The following SVOP variants were observed in gnomAD, a reference collection of about 807,000 sequenced individuals.
SVOP encodes synaptic vesicle 2-related protein.
SVOP carries 17 observed loss-of-function variants against 69.1 expected under a neutral mutation model. That is an observed-to-expected ratio of 0.25 (90% confidence interval 0.17 to 0.37). The LOEUF (loss-of-function observed/expected upper bound fraction) is 0.37. Ranked by LOEUF, SVOP falls within the 10% of genes least tolerant of loss-of-function variation. SVOP has a pLI of 1.00. For synonymous variants in SVOP, 238 were observed against 238.6 expected (o/e 1.00, Z 0.02); for missense variants, 435 against 597.5 (o/e 0.73, Z 2.84).
intron 1 of SVOP, among the ~76,000 whole-genome samples, chr12:109,004,857 C>T (rs2040296205): frequency 6.6e-6 from 1 of 151,972 alleles, no homozygotes; most frequent in Non-Finnish European, 1.5e-5. Context: ...CCTGCCTCAT[C>T]CCCCCGAGTA....
intron 4 of SVOP, among the ~76,000 whole-genome samples, chr12:108,977,177 A>C (rs1196816255): frequency 6.6e-6 from 1 of 152,208 alleles, no homozygotes; most frequent in Non-Finnish European, 1.5e-5. Context: ...CAGCAACAGA[A>C]TAGGATGCCT....
intron 6 of SVOP, among the ~76,000 whole-genome samples, chr12:108,949,479 A>G (rs1382075908): frequency 6.6e-6 from 1 of 152,082 alleles, no homozygotes; most frequent in African/African-American, 2.4e-5. Flanking sequence ...CATGTTGGCC[A>G]GGCTGGTCTC....
intron 12 of SVOP, among the ~76,000 whole-genome samples, chr12:108,921,075 A>G (rs1593177069): frequency 6.8e-6 from 1 of 147,202 alleles, no homozygotes; most frequent in Non-Finnish European, 1.5e-5. Flanking sequence ...AACAATACAC[A>G]TAGTAAATAA....
intron 4 of SVOP, among the ~76,000 whole-genome samples, chr12:108,973,087 T>C (rs2040088143): frequency 1.3e-5 from 2 of 152,128 alleles, no homozygotes; most frequent in Non-Finnish European, 2.9e-5. Flanking sequence ...AGGCAAGTCT[T>C]AAGCCCAAGC....
intron 11 of SVOP, among the ~76,000 whole-genome samples, chr12:108,924,571 A>G (rs2039769018): frequency 6.6e-6 from 1 of 152,146 alleles, no homozygotes; most frequent in South Asian, 2.1e-4. Flanking sequence ...GCTGAGACAG[A>G]GCAGGGACCC....
intron 14 of SVOP, among the ~76,000 whole-genome samples, chr12:108,917,017 G>A (rs2039718235): frequency 6.6e-6 from 1 of 152,244 alleles, no homozygotes; most frequent in African/African-American, 2.4e-5. Context: ...GAAGTGCTGG[G>A]TTTACAGGCG....
intron 1 of SVOP, among the ~76,000 whole-genome samples, chr12:108,987,084 C>T (rs1280933390): frequency 1.3e-5 from 2 of 152,150 alleles, no homozygotes; most frequent in Non-Finnish European, 2.9e-5. Context: ...ACTCTGTACC[C>T]ATAGAAATCA....
At chr12:108,930,705 A>G (rs915460596) in intron 11 of SVOP, among the ~76,000 whole-genome samples, 7 of 152,172 alleles carry the variant, frequency 4.6e-5, no homozygotes, top group African/African-American at 1.7e-4. Context: ...AAGTCCTGGG[A>G]TTACAGGCAT....
intron 2 of SVOP, among the ~76,000 whole-genome samples, chr12:108,980,578 G>C (rs1039185278): frequency 0.32 from 46,441 of 145,838 alleles, 8,196 homozygotes; most frequent in African/African-American, 0.43. Flanking sequence ...GTGAAACCCC[G>C]TCTCTACTGA....
chr12:108,957,368 C>A lies in SVOP; in HGVS notation c.578+3555G>T, dbSNP rs549699524. On this transcript the variant is annotated intron_variant, in intron 6 of 15. Coordinates refer to ENST00000610966, the MANE Select transcript of SVOP (RefSeq NM_018711.5). ...TAGTAGAGACGGGATTTCACTGTGT[C>A]GGCCAGGATGGTCTCGAACTCCTGT... Among the ~76,000 whole-genome samples, 58 of 152,116 alleles carry A rather than the reference C, an allele frequency of 3.8e-4. 1 individual carries two copies. The South Asian group carries it at 0.011, about 29-fold the overall frequency.
intron 11 of SVOP, among the ~76,000 whole-genome samples, chr12:108,927,897 A>G (rs2039791133): frequency 1.3e-5 from 2 of 149,420 alleles, no homozygotes; most frequent in Non-Finnish European, 1.5e-5. Flanking sequence ...TGCTCAGCTG[A>G]CAAAAAACTC....
chr12:108,932,996 A>C lies in SVOP; in HGVS notation c.1048+1199T>G, dbSNP rs2039831239. Among the ~76,000 whole-genome samples, 3 of 152,140 alleles carry C rather than the reference A, an allele frequency of 2.0e-5. No individual in the cohort carries two copies. The South Asian group carries it at 6.2e-4, about 32-fold the overall frequency. The stretch of plus-strand genomic sequence containing the variant: ...TGAGTCCAAGCGATTCTCCTGGCTT[A>C]GCCTCCTGAGTAGCTGGGATTACAA... On this transcript the variant is annotated intron_variant, in intron 11 of 15. Coordinates refer to ENST00000610966, the MANE Select transcript of SVOP (RefSeq NM_018711.5).
chr12:108,972,959 G>T lies in SVOP; in HGVS notation c.382-483C>A, dbSNP rs540865105. 5.3e-5 allele frequency among the ~76,000 whole-genome samples: 8 copies of T among 152,326 alleles called. 1 individual carries two copies. The highest frequency in any genetic ancestry group is 1.9e-4 in the East Asian group (1 of 5,192). On this transcript the variant is annotated intron_variant, in intron 4 of 15. Transcript: ENST00000610966. The stretch of plus-strand genomic sequence containing the variant: ...TGGGAGGCCAAGTCATTGTTACATT[G>T]TTAATCCTTGGAGTAACAGCTGGTG...
chr12:108,945,439 C>T (rs1172539830), intron 6 of SVOP, among the ~76,000 whole-genome samples: 1 of 151,924 alleles, frequency 6.6e-6, no homozygotes, highest in Non-Finnish European at 1.5e-5. Flanking sequence ...AGTCTGTCAC[C>T]CAGGCTGAAG....
intron 2 of SVOP, among the ~76,000 whole-genome samples, chr12:108,978,905 T>C (rs982783864): frequency 2.0e-5 from 3 of 152,202 alleles, no homozygotes; most frequent in Non-Finnish European, 4.4e-5. Context: ...ATAAATTAAG[T>C]AGATATTATA....
chr12:108,921,432 AG>A (rs1395249438), intron 12 of SVOP, among the ~76,000 whole-genome samples: 2 of 152,138 alleles, frequency 1.3e-5, no homozygotes. Flanking sequence ...AATCCAAGAA[AG>A]GACCAGCAGG....
At chr12:109,013,285 GA>G (rs979708313) in intron 1 of SVOP, among the ~76,000 whole-genome samples, 8 of 151,414 alleles carry the variant, frequency 5.3e-5, no homozygotes, top group African/African-American at 1.9e-4. Context: ...TACGTGCTAT[GA>G]AAAAAAGAAA....
chr12:108,913,241 A>G (rs889298222), intron 15 of SVOP, among the ~76,000 whole-genome samples: 1 of 151,942 alleles, frequency 6.6e-6, no homozygotes, highest in Non-Finnish European at 1.5e-5. Flanking sequence ...TTGTATTTTT[A>G]GTAGAGATGG....
intron 6 of SVOP, among the ~76,000 whole-genome samples, chr12:108,952,682 A>C (rs148760693): frequency 1.3e-5 from 2 of 152,242 alleles, no homozygotes; most frequent in East Asian, 3.9e-4. Flanking sequence ...TGTGCCCTGC[A>C]GCCCATCTCA....
Sources: gnomAD v4.1 joint callset for allele counts (sites outside exome capture counted in the v4.1 genomes callset) on GRCh38, gnomAD v4.1.1 for gene constraint, MANE v1.5 for transcripts, NCBI Gene and HGNC (gene_info 2026-07-23, HGNC 2026-07-21) for gene names.